The following CLIP4 variants were observed in gnomAD, a reference collection of about 807,000 sequenced individuals.
The protein encoded by CLIP4 is CAP-Gly domain containing linker protein family member 4.
A neutral mutation model predicts 73.1 loss-of-function variants in CLIP4; 47 were observed. The observed-to-expected ratio is 0.64, with a 90% CI of 0.51 to 0.82. CLIP4 has a LOEUF of 0.82. CLIP4 is among the 40% of genes least tolerant of loss of function. The pLI is 0.00. For synonymous variants in CLIP4, 306 were observed against 295.4 expected (o/e 1.04, Z -0.37); for missense variants, 874 against 852.9 (o/e 1.02, Z -0.31).
chr2:29,181,601 G>A lies in CLIP4; in HGVS notation c.1826G>A (p.Ser609Asn). ...AAAGCTGCTTTGCGTCGCAGTTGGA[G>A]CAGCACCCCCACCGCAGGTGGCATT... ...KSKAALRRSWSSTPTAGGIEG... is the reference protein window; with the variant it reads ...KSKAALRRSWNSTPTAGGIEG... Residue 609 changes from serine to asparagine, a missense_variant, in exon 16 of 16, where the codon AGC becomes AAC. By Grantham distance (46) the Ser-to-Asn change is conservative. Coordinates refer to ENST00000320081, the MANE Select transcript of CLIP4 (RefSeq NM_024692.6). The A allele has an allele frequency of 7.4e-6, 12 of 1,612,228 alleles. No homozygotes were observed. The highest frequency in any genetic ancestry group is 1.0e-5 in the Non-Finnish European group (12 of 1,178,610).
Position 29,140,128 on chromosome 2 carries a change from T to G in CLIP4, c.649-3581T>G, listed in dbSNP as rs183108685. On this transcript the variant is annotated intron_variant, in intron 6 of 15. Transcript: ENST00000320081. ...AGTTTTAGGGTACTTGTGCACAATG[T>G]GCAGGTTAGTTACATATGTATACAT... Among the ~76,000 whole-genome samples, 29 of 152,296 alleles carry G rather than the reference T, an allele frequency of 1.9e-4. No individual in the cohort carries two copies. The East Asian group carries it at 5.0e-3, about 26-fold the overall frequency.
At chr2:29,107,357 A>T (rs1390107122) in intron 1 of CLIP4, among the ~76,000 whole-genome samples, 70 of 52,490 alleles carry the variant, frequency 1.3e-3, no homozygotes, top group African/African-American at 4.7e-3. Flanking sequence ...GGAACATGAT[A>T]GTTTTTTTTT....
At chr2:29,143,598 A>G (rs751807751) in intron 6 of CLIP4, 111 bp from the exon 7 acceptor site, 34 of 757,038 alleles carry the variant, frequency 4.5e-5, no homozygotes, top group Non-Finnish European at 7.5e-5. Flanking sequence ...ATGTTTTTGA[A>G]TAAACAAATG....
At chr2:29,144,471 G>A (rs1022829184) in intron 7 of CLIP4, among the ~76,000 whole-genome samples, 3 of 152,036 alleles carry the variant, frequency 2.0e-5, no homozygotes, top group Non-Finnish European at 4.4e-5. Context: ...TTTCCATATT[G>A]TATTCATTTA....
At chr2:29,129,757 C>T (rs908867716) in intron 2 of CLIP4, among the ~76,000 whole-genome samples, 15 of 152,060 alleles carry the variant, frequency 9.9e-5, no homozygotes, top group African/African-American at 3.1e-4. Flanking sequence ...GCTTAGGATA[C>T]TCCTCCTTCA....
intron 1 of CLIP4, among the ~76,000 whole-genome samples, chr2:29,101,652 C>A (rs541099756): frequency 3.3e-5 from 5 of 152,258 alleles, no homozygotes; most frequent in African/African-American, 1.2e-4. Flanking sequence ...CACCCAGGAG[C>A]AATACTTTGC....
rs1215345068 is a variant in CLIP4 at position 29,183,044 on chromosome 2, A to G, written c.*1151A>G. On this transcript the variant is annotated 3_prime_UTR_variant, in exon 16 of 16. Transcript: ENST00000320081. ...GCCTGTTACAAAGCTACAGAACTGT[A>G]TTGTTTTTATTTTCCTTCTTGAGCA... The G allele has an allele frequency of 6.6e-6, 1 of 152,350 alleles. No homozygotes were observed. Among genetic ancestry groups the G allele is most frequent in the Non-Finnish European group, 1.5e-5 (1 of 68,024 alleles). 9.4% of individuals were successfully genotyped at this position (152,350 alleles called of 1,614,324 possible).
At chr2:29,107,264 T>C (rs543638133) in intron 1 of CLIP4, among the ~76,000 whole-genome samples, 1 of 151,826 alleles carries the variant, frequency 6.6e-6, no homozygotes, top group South Asian at 2.1e-4. Flanking sequence ...AGTGGTACTT[T>C]AGCAATATGT....
intron 3 of CLIP4, 51 bp downstream of exon 3, chr2:29,131,448 A>T: frequency 6.5e-7 from 1 of 1,532,628 alleles, no homozygotes; most frequent in South Asian, 1.3e-5. Context: ...TGTTAATGGT[A>T]TAGATTTTTT....
chr2:29,113,161 T>C (rs1191971021), upstream of CLIP4, among the ~76,000 whole-genome samples: 3 of 152,344 alleles, frequency 2.0e-5, no homozygotes, highest in East Asian at 5.8e-4. This position sits in a 1 kb window ranked among gnomAD's most constrained non-coding sequence, Gnocchi z 4.0. Flanking sequence ...TCTTCATTTG[T>C]AAAGTGAAGA....
intron 14 of CLIP4, among the ~76,000 whole-genome samples, chr2:29,168,610 C>T (rs1667788426): frequency 6.7e-6 from 1 of 148,444 alleles, no homozygotes; most frequent in East Asian, 2.0e-4. Context: ...GCAAGCTCCG[C>T]CTCCCAGGTT....
At position 29,174,460 on chromosome 2, in the gene CLIP4, G is replaced by A. The variant is rs1006509353; in HGVS notation, c.1796+15G>A. ...GCTTTTTCCAAGTGAGTATTAAGAA[G>A]ATTTAGAAAAACACCTTTCAAGATG... On this transcript the variant is annotated intron_variant, in intron 15 of 15. Coordinates refer to ENST00000320081, the MANE Select transcript of CLIP4 (RefSeq NM_024692.6). 6 of 1,605,404 alleles carry A rather than the reference G, an allele frequency of 3.7e-6. No individual in the cohort carries two copies. Among genetic ancestry groups the A allele is most frequent in the Non-Finnish European group, 3.4e-6 (4 of 1,178,072 alleles).
intron 2 of CLIP4, among the ~76,000 whole-genome samples, chr2:29,124,070 G>A (rs1341098538): frequency 6.6e-6 from 1 of 152,104 alleles, no homozygotes; most frequent in Non-Finnish European, 1.5e-5. Flanking sequence ...TACCCATGTA[G>A]TTACCATTTC....
At position 29,182,507 on chromosome 2, in the gene CLIP4, A is replaced by G. The variant is rs1014845518; in HGVS notation, c.*614A>G. ...AGCTCTGCTTCTTGCCCATTGCCAA[A>G]TACTGAAATGGAAGCCCGTCTTACC... On this transcript the variant is annotated 3_prime_UTR_variant, in exon 16 of 16. Coordinates refer to ENST00000320081, the MANE Select transcript of CLIP4 (RefSeq NM_024692.6). The G allele has an allele frequency of 5.2e-5, 8 of 152,516 alleles. No individual in the cohort carries two copies. Among genetic ancestry groups the G allele is most frequent in the Admixed American group, 3.9e-4 (6 of 15,310 alleles). 9.4% of individuals were successfully genotyped at this position (152,516 alleles called of 1,614,324 possible).
At chr2:29,132,370 A>T (rs1665037617) in intron 4 of CLIP4, 125 bp downstream of exon 4, 1 of 756,244 alleles carries the variant, frequency 1.3e-6, no homozygotes, top group Non-Finnish European at 2.2e-6. Context: ...TTGCCTGAAG[A>T]GCTGAGGATT....
At chr2:29,178,226 G>A (rs1161858884) in intron 15 of CLIP4, among the ~76,000 whole-genome samples, 2 of 151,062 alleles carry the variant, frequency 1.3e-5, no homozygotes, top group Non-Finnish European at 2.9e-5. Context: ...TGTTGCCCAA[G>A]CTGGAGTGCA....
Position 29,183,548 on chromosome 2 carries a change from T to G in CLIP4, c.*1655T>G, listed in dbSNP as rs1668741205. 6.6e-6 allele frequency: 1 copy of G among 152,586 alleles called. No individual in the cohort carries two copies. Among genetic ancestry groups the G allele is most frequent in the Non-Finnish European group, 1.5e-5 (1 of 68,014 alleles). The allele number at this position is 152,586 out of a possible 1,614,324, so 9.5% of individuals were successfully genotyped here. ...CATGAAATCCATGACCACACCAAAC[T>G]TGGTTATTCATAATTTTTCCTGTTA... On this transcript the variant is annotated 3_prime_UTR_variant, in exon 16 of 16. Coordinates refer to ENST00000320081, the MANE Select transcript of CLIP4 (RefSeq NM_024692.6).
rs141058068 is a variant in CLIP4, at chr2:29,129,554, C to G, written c.134-1704C>G. Among the ~76,000 whole-genome samples the G allele has an allele frequency of 3.3e-3, 505 of 152,072 alleles. 5 individuals are homozygous for G. The highest frequency in any genetic ancestry group is 3.9e-3 in the Non-Finnish European group (263 of 67,976). Reference sequence around the variant, plus strand: ...AAAGCTTATTGGTTTATAAAAGAAGCTGGATCCAAATTGTACCTGTGAGAG... The same window carrying G: ...AAAGCTTATTGGTTTATAAAAGAAGGTGGATCCAAATTGTACCTGTGAGAG... On this transcript the variant is annotated intron_variant, in intron 2 of 15. Transcript: ENST00000320081.
intron 1 of CLIP4, among the ~76,000 whole-genome samples, chr2:29,107,353 T>G (rs1299095397): frequency 7.2e-6 from 1 of 139,368 alleles, no homozygotes; most frequent in South Asian, 2.4e-4. Context: ...TCCTGGAACA[T>G]GATAGTTTTT....
Sources: gnomAD v4.1 joint callset for allele counts (sites outside exome capture counted in the v4.1 genomes callset) on GRCh38, gnomAD v4.1.1 for gene constraint, Gnocchi (gnomAD v3.1) non-coding constraint, MANE v1.5 for transcripts, NCBI Gene and HGNC (gene_info 2026-07-23, HGNC 2026-07-21) for gene names.